Variants in PTPRM observed in about 807,000 individuals in gnomAD.
PTPRM encodes the protein receptor-type tyrosine-protein phosphatase mu.
In PTPRM, 47 loss-of-function variants were observed where a neutral mutation model predicts 186.7. The observed-to-expected ratio is 0.25, with a 90% CI of 0.20 to 0.32. The LOEUF is 0.32. PTPRM is among the 10% of genes least tolerant of loss of function. The probability of loss-of-function intolerance (pLI) is 1.00; values close to 1 mark genes in which losing one functional copy is unlikely to be tolerated. For missense variants in PTPRM, 1,494 were observed against 1,865.0 expected (o/e 0.80, Z 3.66); for synonymous variants, 668 against 674.9 (o/e 0.99, Z 0.16).
chr18:8,211,527 C>G (rs2094005946), intron 14 of PTPRM, among the ~76,000 whole-genome samples: 1 of 150,340 alleles, frequency 6.7e-6, no homozygotes, highest in Non-Finnish European at 1.5e-5. Context: ...CCTCAGCCTC[C>G]CGAGTAGCTG....
intron 14 of PTPRM, among the ~76,000 whole-genome samples, chr18:8,155,332 A>G (rs745780507): frequency 3.9e-5 from 6 of 152,202 alleles, no homozygotes; most frequent in Admixed American, 3.3e-4. Flanking sequence ...GAACATTTGT[A>G]TTAATTATAG....
At chr18:7,588,880 T>C (rs1184878127) in intron 1 of PTPRM, among the ~76,000 whole-genome samples, 1 of 152,204 alleles carries the variant, frequency 6.6e-6, no homozygotes, top group African/African-American at 2.4e-5. Context: ...GCTTTACTTT[T>C]GCTCTGTTGC....
intron 3 of PTPRM, among the ~76,000 whole-genome samples, chr18:7,890,829 A>G (rs2049034614): frequency 1.3e-5 from 2 of 152,338 alleles, no homozygotes; most frequent in South Asian, 4.1e-4. Context: ...TTTTGCAGCC[A>G]TTAAGAATAA....
intron 14 of PTPRM, among the ~76,000 whole-genome samples, chr18:8,173,523 G>A (rs2093435577): frequency 6.6e-6 from 1 of 152,202 alleles, no homozygotes; most frequent in African/African-American, 2.4e-5. Flanking sequence ...CTGCTGCACA[G>A]ATAAAACCAA....
intron 2 of PTPRM, among the ~76,000 whole-genome samples, chr18:7,849,157 G>A (rs2046743207): frequency 6.6e-6 from 1 of 152,156 alleles, no homozygotes; most frequent in African/African-American, 2.4e-5. Context: ...CCTATCAAAT[G>A]GATTTTCATG....
chr18:7,788,155 T>G (rs2145172017), intron 2 of PTPRM, among the ~76,000 whole-genome samples: 1 of 152,332 alleles, frequency 6.6e-6, no homozygotes, highest in African/African-American at 2.4e-5. Context: ...AAAAAGATTT[T>G]GGAAGCATTG....
At chr18:7,638,468 AT>A (rs1314959533) in intron 1 of PTPRM, among the ~76,000 whole-genome samples, 1 of 152,178 alleles carries the variant, frequency 6.6e-6, no homozygotes, top group Non-Finnish European at 1.5e-5. Context: ...TGTTGTATAA[AT>A]TTCTCTGTGA....
chr18:8,348,157 C>T (rs946679589), intron 23 of PTPRM, among the ~76,000 whole-genome samples: 11 of 152,270 alleles, frequency 7.2e-5, no homozygotes, highest in Non-Finnish European at 1.6e-4. Context: ...ATGTGTACCG[C>T]ACATAGTGCG....
intron 7 of PTPRM, among the ~76,000 whole-genome samples, chr18:7,983,766 G>A (rs1053817354): frequency 1.3e-5 from 2 of 152,038 alleles, no homozygotes; most frequent in African/African-American, 4.8e-5. Flanking sequence ...TCTGTGAAAG[G>A]TCATTATCAA....
At chr18:8,251,600 T>G (rs2094528740) in intron 17 of PTPRM, 1 of 152,258 alleles carries the variant, frequency 6.6e-6, no homozygotes, top group Non-Finnish European at 1.5e-5. Context: ...TTATTTTGTC[T>G]TTGTGTCTTT....
At chr18:7,682,839 G>C (rs575923827) in intron 1 of PTPRM, among the ~76,000 whole-genome samples, 3 of 152,082 alleles carry the variant, frequency 2.0e-5, no homozygotes, top group Admixed American at 6.6e-5. Context: ...TTGGGCATTG[G>C]GGGGGTGCAA....
At chr18:8,248,840 G>A (rs762148991) in intron 17 of PTPRM, among the ~76,000 whole-genome samples, 3 of 152,174 alleles carry the variant, frequency 2.0e-5, no homozygotes, top group Non-Finnish European at 4.4e-5. Context: ...GATGTCACTA[G>A]AAATGAACTA....
chr18:8,221,925 C>T (rs2094157880), intron 14 of PTPRM, among the ~76,000 whole-genome samples: 1 of 152,210 alleles, frequency 6.6e-6, no homozygotes, highest in African/African-American at 2.4e-5. Flanking sequence ...GCAAATACCA[C>T]ACTGTACCCA....
intron 5 of PTPRM, among the ~76,000 whole-genome samples, chr18:7,948,491 A>T (rs942815522): frequency 3.3e-5 from 5 of 152,172 alleles, no homozygotes; most frequent in African/African-American, 1.2e-4. Flanking sequence ...TATGGGGATA[A>T]TAAAAGACCA....
At chr18:7,923,654 A>T (rs960686463) in intron 4 of PTPRM, among the ~76,000 whole-genome samples, 4 of 152,200 alleles carry the variant, frequency 2.6e-5, no homozygotes, top group African/African-American at 9.6e-5. Context: ...CAGTGGGAAA[A>T]TGTAGAAAGT....
chr18:8,385,055 A>AAGGGGAGGC (rs2095763282), intron 30 of PTPRM, among the ~76,000 whole-genome samples: 3 of 152,020 alleles, frequency 2.0e-5, no homozygotes, highest in Non-Finnish European at 4.4e-5. Flanking sequence ...GAAAATTACT[A>AAGGGGAGGC]AGGGGAGGCA....
chr18:7,849,666 TTAAAA>T (rs2145922455), intron 2 of PTPRM, among the ~76,000 whole-genome samples: 1 of 152,328 alleles, frequency 6.6e-6, no homozygotes, highest in African/African-American at 2.4e-5. Context: ...TGGAAATACT[TTAAAA>T]TAATAAGGAG....
intron 14 of PTPRM, among the ~76,000 whole-genome samples, chr18:8,189,164 G>T (rs1471077996): frequency 6.6e-6 from 1 of 151,888 alleles, no homozygotes; most frequent in Admixed American, 6.6e-5. Flanking sequence ...AGGCATGGTG[G>T]TGTGCACCTG....
At chr18:8,319,128 C>A in intron 21 of PTPRM, 50 bp from the exon 22 acceptor site, 1 of 1,249,544 alleles carries the variant, frequency 8.0e-7, no homozygotes, top group Non-Finnish European at 1.2e-6. Flanking sequence ...GACTTATCTG[C>A]TGTTTATCGA....
Sources: allele counts gnomAD v4.1 joint callset (sites outside exome capture counted in the v4.1 genomes callset), GRCh38; gene constraint gnomAD v4.1.1; transcripts MANE v1.5; gene names NCBI Gene and HGNC (gene_info 2026-07-23, HGNC 2026-07-21).